Variants in ANKFN1 observed in about 807,000 individuals in gnomAD.
ANKFN1 encodes the protein ankyrin repeat and fibronectin type-III domain-containing protein 1.
ANKFN1 carries 74 observed loss-of-function variants against 108.7 expected under a neutral mutation model. The ratio of observed to expected loss-of-function variants is 0.68; its 90% CI spans 0.56 to 0.83. The LOEUF (loss-of-function observed/expected upper bound fraction) is 0.83, where lower values mean the gene tolerates loss of function less well. Among genes scored for constraint, ANKFN1 ranks in the 40% least tolerant of loss-of-function variants. The pLI, the probability that ANKFN1 is intolerant of heterozygous loss-of-function variation, is 0.00. For synonymous variants in ANKFN1, 547 were observed against 516.2 expected (o/e 1.06, Z -0.81); for missense variants, 1,505 against 1,382.3 (o/e 1.09, Z -1.41).
chr17:56,227,241 A>G (rs1301056409), intron 2 of ANKFN1, among the ~76,000 whole-genome samples: 1 of 152,148 alleles, frequency 6.6e-6, no homozygotes, highest in Non-Finnish European at 1.5e-5. Context: ...TGGATTTGGA[A>G]GCAAGCTGAA....
intron 3 of ANKFN1, among the ~76,000 whole-genome samples, chr17:56,308,423 CATTT>C (rs1567902400): frequency 1.3e-5 from 2 of 152,102 alleles, no homozygotes; most frequent in East Asian, 3.9e-4. Flanking sequence ...TTGCTGAACT[CATTT>C]ATTAGTTCTA....
Position 56,499,079 on chromosome 17 carries a change from C to G in ANKFN1, c.2625C>G (p.His875Gln). 3 of 1,535,482 alleles carry G rather than the reference C, an allele frequency of 2.0e-6. No individual in the cohort carries two copies. Among genetic ancestry groups the G allele is most frequent in the Non-Finnish European group, 1.7e-6 (2 of 1,146,522 alleles). ...CCCCACCCCCATCCCCAGAGATGCA[C>G]AGAAGAAAGACAGTGAGTGGTAAGC... ...LPSPPPSPEM[H>Q]RRKTVSDSQP... Residue 875 changes from histidine (H) to glutamine (Q), a missense_variant, in exon 20 of 21, where the codon CAC becomes CAG. Transcript: ENST00000682825.
intron 4 of ANKFN1, among the ~76,000 whole-genome samples, chr17:56,119,261 G>T (rs1426337903): frequency 6.6e-6 from 1 of 152,072 alleles, no homozygotes; most frequent in Non-Finnish European, 1.5e-5. Flanking sequence ...ATTTAAAGAC[G>T]AGTTAAAGAA....
chr17:56,404,012 A>G (rs1362590714), intron 8 of ANKFN1, among the ~76,000 whole-genome samples: 1 of 152,132 alleles, frequency 6.6e-6, no homozygotes, highest in East Asian at 1.9e-4. Context: ...TCTGGCTTGT[A>G]GGGGTCCTGC....
chr17:56,508,489 T>TA (rs1353139908), intron 20 of ANKFN1, among the ~76,000 whole-genome samples: 1 of 152,228 alleles, frequency 6.6e-6, no homozygotes, highest in Non-Finnish European at 1.5e-5. Context: ...ACAACTCATA[T>TA]AATATCAAAA....
intron 3 of ANKFN1, among the ~76,000 whole-genome samples, chr17:56,294,611 A>G (rs2044456685): frequency 6.6e-6 from 1 of 152,248 alleles, no homozygotes; most frequent in Non-Finnish European, 1.5e-5. Context: ...TTAGGATGCC[A>G]TTCTACTTTA....
chr17:56,149,883 T>G (rs1445628265), upstream of ANKFN1, among the ~76,000 whole-genome samples: 1 of 152,230 alleles, frequency 6.6e-6, no homozygotes, highest in African/African-American at 2.4e-5. Flanking sequence ...GCTGTCCAGC[T>G]TCCAGGGTTG....
chr17:56,062,447 A>G (rs907711424), intron 4 of ANKFN1, among the ~76,000 whole-genome samples: 2 of 152,128 alleles, frequency 1.3e-5, no homozygotes, highest in African/African-American at 4.8e-5. Flanking sequence ...TAGAATAGTT[A>G]GCCCTTCTTG....
At position 56,283,524 on chromosome 17, in the gene ANKFN1, G is replaced by GATATATATATATATATATATATATAT. The variant is rs567333825; in HGVS notation, c.54-42683_54-42682insATATATATATATATATATATATATAT. 1.1e-4 allele frequency among the ~76,000 whole-genome samples: 15 copies of GATATATATATATATATATATATATAT among 141,592 alleles called. 1 individual carries two copies. The highest frequency in any genetic ancestry group is 3.6e-4 in the African/African-American group (12 of 33,372). The allele number at this position is 141,592 out of a possible 152,430, so 92.9% of individuals were successfully genotyped here. Reference sequence around the variant, plus strand: ...ATCAACAAATGGATAAAGAAACTGTGATATATATATATATGATGGAATACT... The same window carrying GATATATATATATATATATATATATAT: ...ATCAACAAATGGATAAAGAAACTGTGATATATATATATATATATATATATATATATATATATATATGATGGAATACT... On this transcript the variant is annotated intron_variant, in intron 3 of 20. Coordinates refer to ENST00000682825, the MANE Select transcript of ANKFN1 (RefSeq NM_001370326.1).
intron 8 of ANKFN1, among the ~76,000 whole-genome samples, chr17:56,412,156 A>T (rs2192219): frequency 0.76 from 114,914 of 152,136 alleles, 43,595 homozygotes; most frequent in East Asian, 0.96. Context: ...TTCAATTTCC[A>T]TACTCATTTT....
At chr17:56,188,830 A>T (rs534142867) in intron 1 of ANKFN1, among the ~76,000 whole-genome samples, 3 of 151,652 alleles carry the variant, frequency 2.0e-5, no homozygotes, top group Non-Finnish European at 4.4e-5. Flanking sequence ...GAGCTCCTAG[A>T]TGGCTTCAGG....
At chr17:56,177,757 C>T (rs1911305094) in intron 1 of ANKFN1, among the ~76,000 whole-genome samples, 1 of 152,102 alleles carries the variant, frequency 6.6e-6, no homozygotes, top group Non-Finnish European at 1.5e-5. Context: ...TTTTAACTGC[C>T]TAAGCTCCTA....
At chr17:56,183,040 T>C (rs566668575) in intron 1 of ANKFN1, among the ~76,000 whole-genome samples, 21 of 152,212 alleles carry the variant, frequency 1.4e-4, no homozygotes, top group Non-Finnish European at 3.1e-4. Flanking sequence ...AAAAGATTTC[T>C]TTTAAAATAT....
At chr17:56,372,928 AG>A in intron 7 of ANKFN1, 88 bp downstream of exon 7, 1 of 1,310,352 alleles carries the variant, frequency 7.6e-7, no homozygotes, top group Non-Finnish European at 1.0e-6. Flanking sequence ...TTTTTTTTTC[AG>A]CTCTACAGAG....
rs188261701 is a variant in ANKFN1 at position 56,457,490 on chromosome 17, T to C, written c.1440+101T>C. The stretch of plus-strand genomic sequence containing the variant: ...GAGGGGTCTCCAGCGATCAGAGTTT[T>C]GGGGTAGAAATAAAGTATCTCCAAG... On this transcript the variant is annotated intron_variant, in intron 13 of 20. Transcript: ENST00000682825. The C allele has an allele frequency of 5.0e-5, 67 of 1,328,696 alleles. No homozygotes were observed. In the East Asian group the frequency reaches 1.6e-3, roughly 31 times the overall value. The allele number at this position is 1,328,696 out of a possible 1,614,324, so 82.3% of individuals were successfully genotyped here. A position where few individuals can be genotyped will look rare whatever the true frequency, so the allele number is the denominator to read the frequency against.
intron 3 of ANKFN1, among the ~76,000 whole-genome samples, chr17:56,266,694 G>A (rs1727561292): frequency 6.6e-6 from 1 of 152,086 alleles, no homozygotes; most frequent in Non-Finnish European, 1.5e-5. Context: ...TATGAAGAAT[G>A]TTTCTGCATC....
At chr17:56,386,809 G>T (rs2047289471) in intron 8 of ANKFN1, among the ~76,000 whole-genome samples, 2 of 151,686 alleles carry the variant, frequency 1.3e-5, no homozygotes, top group South Asian at 2.1e-4. Context: ...GTAGGTTTCT[G>T]GTGGATATCC....
At chr17:56,202,504 A>C (rs1050604446) in intron 1 of ANKFN1, among the ~76,000 whole-genome samples, 1 of 151,728 alleles carries the variant, frequency 6.6e-6, no homozygotes, top group Non-Finnish European at 1.5e-5. Flanking sequence ...GTCTGCCCCT[A>C]CTCTCCTCTC....
intron 15 of ANKFN1, among the ~76,000 whole-genome samples, chr17:56,474,623 A>G (rs1438775398): frequency 6.6e-6 from 1 of 152,174 alleles, no homozygotes; most frequent in Non-Finnish European, 1.5e-5. Flanking sequence ...TGACTTCTCA[A>G]AAGTAATGAC....
Sources: gnomAD v4.1 joint callset for allele counts (sites outside exome capture counted in the v4.1 genomes callset) on GRCh38, gnomAD v4.1.1 for gene constraint, MANE v1.5 for transcripts, NCBI Gene and HGNC (gene_info 2026-07-23, HGNC 2026-07-21) for gene names.